Variants in PHACTR1 observed in about 807,000 individuals in gnomAD.
PHACTR1 encodes RPEL repeat containing 1.
In PHACTR1, 16 loss-of-function variants were observed where a neutral mutation model predicts 69.2. The observed-to-expected ratio is 0.23, with a 90% CI of 0.16 to 0.35. PHACTR1 has a LOEUF of 0.35. Among genes scored for constraint, PHACTR1 ranks in the 10% least tolerant of loss-of-function variants. The probability of loss-of-function intolerance (pLI) is 1.00; values close to 1 mark genes in which losing one functional copy is unlikely to be tolerated. For synonymous variants in PHACTR1, 312 were observed against 284.5 expected, an observed-to-expected ratio of 1.10 and a Z score of -0.97; for missense variants, 510 against 734.7, an observed-to-expected ratio of 0.69 and a Z score of 3.54.
intron 4 of PHACTR1, among the ~76,000 whole-genome samples, chr6:13,008,147 A>T (rs1249831483): frequency 6.6e-6 from 1 of 152,240 alleles, no homozygotes; most frequent in African/African-American, 2.4e-5. Context: ...AAAGTCTGCC[A>T]GATTTGATCA....
intron 5 of PHACTR1, among the ~76,000 whole-genome samples, chr6:13,125,295 T>C (rs1819363644): frequency 6.6e-6 from 1 of 152,202 alleles, no homozygotes; most frequent in Non-Finnish European, 1.5e-5. Flanking sequence ...AATTCTCAAA[T>C]ATCTGTTCTG....
chr6:13,038,987 A>G (rs968263988), intron 4 of PHACTR1, among the ~76,000 whole-genome samples: 1 of 152,202 alleles, frequency 6.6e-6, no homozygotes, highest in Non-Finnish European at 1.5e-5. Flanking sequence ...CCAAGAAGTC[A>G]CTTGGAACAC....
chr6:12,829,281 G>C (rs1049958457), intron 4 of PHACTR1, among the ~76,000 whole-genome samples: 1 of 152,176 alleles, frequency 6.6e-6, no homozygotes, highest in Non-Finnish European at 1.5e-5. Flanking sequence ...ACAGCATAGA[G>C]GCTAGGGAAA....
intron 4 of PHACTR1, among the ~76,000 whole-genome samples, chr6:12,985,181 T>C (rs999395451): frequency 1.3e-5 from 2 of 152,196 alleles, no homozygotes; most frequent in African/African-American, 4.8e-5. Flanking sequence ...TGAAAAGTAC[T>C]GTTTATAATT....
chr6:12,752,518 G>T (rs1766749362), intron 4 of PHACTR1, among the ~76,000 whole-genome samples: 1 of 152,016 alleles, frequency 6.6e-6, no homozygotes, highest in Non-Finnish European at 1.5e-5. Context: ...TTTAATATTT[G>T]CTTTCCCACA....
chr6:12,849,341 C>G (rs957969663), intron 4 of PHACTR1, among the ~76,000 whole-genome samples: 1 of 152,164 alleles, frequency 6.6e-6, no homozygotes, highest in Non-Finnish European at 1.5e-5. Flanking sequence ...ACCTTCGTTT[C>G]CTTGTATGAA....
In PHACTR1 at chr6:12,739,321, A is replaced by C. The variant is rs1764729289; in HGVS notation, c.104-10323A>C. Among the ~76,000 whole-genome samples the C allele has an allele frequency of 2.0e-5, 3 of 152,324 alleles. No individual in the cohort carries two copies. In the South Asian group the frequency reaches 6.2e-4, roughly 32 times the overall value. On this transcript the variant is annotated intron_variant, in intron 3 of 14. Coordinates refer to ENST00000332995, the MANE Select transcript of PHACTR1 (RefSeq NM_030948.6). ...TAGACAGGATGATAGCCTAAAAATA[A>C]GGGCGAGACACACCAAAAAAAGACA...
intron 4 of PHACTR1, among the ~76,000 whole-genome samples, chr6:12,791,984 C>T (rs1772341356): frequency 6.6e-6 from 1 of 152,048 alleles, no homozygotes; most frequent in Admixed American, 6.6e-5. Context: ...TGGGTGATAT[C>T]TAATAAAGGG....
chr6:13,263,345 A>G (rs1441254596), intron 10 of PHACTR1, among the ~76,000 whole-genome samples: 51 of 113,210 alleles, frequency 4.5e-4, no homozygotes, highest in African/African-American at 2.0e-3. Context: ...TTCAGACTGA[A>G]AAAAAAAAAA....
chr6:13,199,040 C>T (rs1764823731), intron 7 of PHACTR1, among the ~76,000 whole-genome samples: 2 of 152,048 alleles, frequency 1.3e-5, no homozygotes, highest in South Asian at 2.1e-4. Context: ...AAGGTGAGGC[C>T]CGGGAATCTG....
At chr6:13,108,237 A>G (rs2127891615) in intron 5 of PHACTR1, among the ~76,000 whole-genome samples, 1 of 152,126 alleles carries the variant, frequency 6.6e-6, no homozygotes, top group Non-Finnish European at 1.5e-5. Context: ...CAGTCATAGA[A>G]CATATTCCAT....
Position 13,245,856 on chromosome 6 carries a change from C to A in PHACTR1, c.1391+15663C>A, listed in dbSNP as rs548617369. Among the ~76,000 whole-genome samples, 11 of 152,236 alleles carry A rather than the reference C, an allele frequency of 7.2e-5. No individual in the cohort carries two copies. The highest frequency in any genetic ancestry group is 2.6e-4 in the African/African-American group (11 of 41,532). ...TGTAAGGAGCAGGTCCAGTTTCAAT[C>A]CCCTGCATATAGCTAGCCAGTTATC... On this transcript the variant is annotated intron_variant, in intron 10 of 14. Transcript: ENST00000332995. The surrounding 1 kb of genome is among the most constrained non-coding windows in gnomAD (Gnocchi z 4.1).
intron 5 of PHACTR1, among the ~76,000 whole-genome samples, chr6:13,090,757 T>C (rs889959032): frequency 1.3e-5 from 2 of 152,118 alleles, no homozygotes; most frequent in African/African-American, 4.8e-5. Flanking sequence ...TCACTGAGTT[T>C]GTTTTTTTAG....
chr6:12,755,704 T>G (rs1011515052), intron 4 of PHACTR1, among the ~76,000 whole-genome samples: 5 of 152,192 alleles, frequency 3.3e-5, no homozygotes, highest in African/African-American at 1.2e-4. Context: ...AAAGAAATTT[T>G]AGCAATAAAT....
intron 4 of PHACTR1, among the ~76,000 whole-genome samples, chr6:12,978,668 T>A (rs1266956940): frequency 6.6e-6 from 1 of 152,210 alleles, no homozygotes; most frequent in Non-Finnish European, 1.5e-5. Context: ...GTCACGTATG[T>A]CTTATTTGTA....
chr6:12,789,118 GT>G (rs1771906915), intron 4 of PHACTR1, among the ~76,000 whole-genome samples: 1 of 152,152 alleles, frequency 6.6e-6, no homozygotes, highest in African/African-American at 2.4e-5. Flanking sequence ...AATCACCCAG[GT>G]TTAGGTGTTT....
intron 10 of PHACTR1, among the ~76,000 whole-genome samples, chr6:13,238,048 C>G (rs1772270047): frequency 6.7e-6 from 1 of 149,490 alleles, no homozygotes; most frequent in South Asian, 2.3e-4. Flanking sequence ...AGCACTTGCT[C>G]CAGGTCTTTG....
At chr6:13,113,901 G>T (rs1817422005) in intron 5 of PHACTR1, among the ~76,000 whole-genome samples, 1 of 152,104 alleles carries the variant, frequency 6.6e-6, no homozygotes. Context: ...ATTGAGCAAG[G>T]TAACCTGCAA....
chr6:12,794,102 C>G (rs1401120906), intron 4 of PHACTR1, among the ~76,000 whole-genome samples: 2 of 152,220 alleles, frequency 1.3e-5, no homozygotes, highest in African/African-American at 2.4e-5. Flanking sequence ...TTCTGAGCCT[C>G]AACCCACTTG....
Sources: gnomAD v4.1 joint callset for allele counts (sites outside exome capture counted in the v4.1 genomes callset) on GRCh38, gnomAD v4.1.1 for gene constraint, Gnocchi (gnomAD v3.1) non-coding constraint, MANE v1.5 for transcripts, NCBI Gene and HGNC (gene_info 2026-07-23, HGNC 2026-07-21) for gene names.